ZNF625: variants seen among roughly 807,000 people sequenced by gnomAD.
ZNF625 encodes the protein zinc finger protein 625.
A neutral mutation model predicts 11.1 loss-of-function variants in ZNF625; 8 were observed. The ratio of observed to expected loss-of-function variants is 0.72; its 90% CI spans 0.42 to 1.30. The LOEUF (loss-of-function observed/expected upper bound fraction) is 1.30, where lower values mean the gene tolerates loss of function less well. Ranked by LOEUF, ZNF625 falls within the 50% of genes most tolerant of loss-of-function variation. The pLI, the probability that ZNF625 is intolerant of heterozygous loss-of-function variation, is 0.01. For missense variants in ZNF625, 349 were observed against 447.6 expected (o/e 0.78, Z 1.99); for synonymous variants, 145 against 153.4 (o/e 0.95, Z 0.41).
At chr19:12,148,914 G>A (rs1212727819) in intron 1 of ZNF625, among the ~76,000 whole-genome samples, 1 of 151,744 alleles carries the variant, frequency 6.6e-6, no homozygotes, top group Non-Finnish European at 1.5e-5. Flanking sequence ...GAGCCACTGC[G>A]CCTGGCCAAA....
chr19:12,151,638 C>A (rs1976958041), intron 1 of ZNF625, among the ~76,000 whole-genome samples: 1 of 152,014 alleles, frequency 6.6e-6, no homozygotes, highest in African/African-American at 2.4e-5. Context: ...CTCGGCCGCC[C>A]AAAGTGCTGG....
In ZNF625 at chr19:12,145,452, C is replaced by G. The variant is rs1568387717; in HGVS notation, c.964G>C (p.Gly322Arg). 1.9e-6 allele frequency: 3 copies of G among 1,613,890 alleles called. No individual in the cohort carries two copies. Among genetic ancestry groups the G allele is most frequent in the Non-Finnish European group, 8.5e-7 (1 of 1,179,972 alleles). Reference protein sequence around the residue: ...FRSASHLRTHGRTHTGEKPYE... With the variant: ...FRSASHLRTHRRTHTGEKPYE... Reference sequence around the variant, plus strand: ...GGTTTCTCTCCAGTGTGAGTCCTTCCATGTGTTCGAAGGTGCGAGGCAGAT... The same window carrying G: ...GGTTTCTCTCCAGTGTGAGTCCTTCGATGTGTTCGAAGGTGCGAGGCAGAT... Residue 322 changes from glycine (G) to arginine (R), a missense_variant, in exon 4 of 4, where the codon GGA becomes CGA. Physicochemically the swap from Gly to Arg is moderately radical, Grantham distance 125. Coordinates refer to ENST00000439556, the MANE Select transcript of ZNF625 (RefSeq NM_145233.4).
In ZNF625 at chr19:12,147,565, A is replaced by G. The variant is rs564057984; in HGVS notation, c.131-110T>C. 9.2e-5 allele frequency: 144 copies of G among 1,557,424 alleles called. 3 individuals carry two copies. In the South Asian group the frequency reaches 1.6e-3, roughly 17 times the overall value. ...CCTTGCAGCATTTATTCACATTCCT[A>G]TTCCCTGTCCTCACTATTCCCTGTC... On this transcript the variant is annotated intron_variant, in intron 2 of 3. Coordinates refer to ENST00000439556, the MANE Select transcript of ZNF625 (RefSeq NM_145233.4).
At chr19:12,148,319 T>G (rs1052093726) in intron 1 of ZNF625, among the ~76,000 whole-genome samples, 1 of 151,798 alleles carries the variant, frequency 6.6e-6, no homozygotes. Flanking sequence ...CATAACTAAC[T>G]AAAACAAAAA....
In ZNF625 at chr19:12,145,503, A is replaced by G; in HGVS notation, c.913T>C (p.Cys305Arg). ...RTHTGEKPYECKQCGKAFRSA... is the reference protein window; with the variant it reads ...RTHTGEKPYERKQCGKAFRSA... ...CTGAAGGCTTTCCCACATTGCTTACATTCATAGGGCTTCTCTCCAGTGTGA... is the reference window on the plus strand; with the variant it reads ...CTGAAGGCTTTCCCACATTGCTTACGTTCATAGGGCTTCTCTCCAGTGTGA... Residue 305 changes from cysteine to arginine, a missense_variant, in exon 4 of 4, where the codon TGT (cysteine) becomes CGT (arginine). Transcript: ENST00000439556. The G allele has an allele frequency of 6.2e-7, 1 of 1,614,092 alleles. No homozygotes were observed. The highest frequency in any genetic ancestry group is 8.5e-7 in the Non-Finnish European group (1 of 1,179,968).
chr19:12,150,352 T>G (rs945348873), intron 1 of ZNF625, among the ~76,000 whole-genome samples: 10 of 152,124 alleles, frequency 6.6e-5, no homozygotes, highest in Non-Finnish European at 1.2e-4. Flanking sequence ...GCTTTGACCT[T>G]GTCCTACAAA....
At chr19:12,154,993 A>T (rs1340767364) in intron 1 of ZNF625, among the ~76,000 whole-genome samples, 1 of 152,124 alleles carries the variant, frequency 6.6e-6, no homozygotes, top group Non-Finnish European at 1.5e-5. Flanking sequence ...AGGGAGGCGG[A>T]GGCAGGCGGA....
In ZNF625 at chr19:12,156,634, C is replaced by T; in HGVS notation, c.-76G>A. 8.1e-7 allele frequency: 1 copy of T among 1,237,002 alleles called. No individual in the cohort carries two copies. Among genetic ancestry groups the T allele is most frequent in the African/African-American group, 1.5e-5 (1 of 64,614 alleles). 76.6% of individuals were successfully genotyped at this position (1,237,002 alleles called of 1,614,324 possible). On this transcript the variant is annotated 5_prime_UTR_variant, in exon 1 of 4. Transcript: ENST00000439556. ...TCCAGTCACAGTGCGGGCGATGGAGCGACAGAAGCTATGGCGGAGGCACCT... is the reference window on the plus strand; with the variant it reads ...TCCAGTCACAGTGCGGGCGATGGAGTGACAGAAGCTATGGCGGAGGCACCT...
intron 1 of ZNF625, among the ~76,000 whole-genome samples, chr19:12,151,534 C>T (rs1976955839): frequency 6.6e-6 from 1 of 152,044 alleles, no homozygotes; most frequent in South Asian, 2.1e-4. Context: ...GCCCCGCCAC[C>T]ACGCCCGGCT....
Position 12,150,911 on chromosome 19 carries a change from G to A in ZNF625, c.4-3109C>T, listed in dbSNP as rs187960155. Among the ~76,000 whole-genome samples the A allele has an allele frequency of 2.4e-3, 366 of 152,210 alleles. 5 individuals are homozygous for A. Among genetic ancestry groups the A allele is most frequent in the Admixed American group, 0.021 (325 of 15,270 alleles). ...CACCATTACCCAGACAGTGTTCTAC[G>A]GTGGAGCTCGCCTCCTGCAGTGATG... On this transcript the variant is annotated intron_variant, in intron 1 of 3. Transcript: ENST00000439556.
chr19:12,150,009 G>A (rs1406950273), intron 1 of ZNF625, among the ~76,000 whole-genome samples: 1 of 152,186 alleles, frequency 6.6e-6, no homozygotes, highest in African/African-American at 2.4e-5. Context: ...AAAGTGCTGG[G>A]ATTACAGGTG....
chr19:12,147,952 A>T, intron 1 of ZNF625, 150 bp from the exon 2 acceptor site: 2 of 834,308 alleles, frequency 2.4e-6, no homozygotes, highest in Non-Finnish European at 3.4e-6. Flanking sequence ...GTCAACACTC[A>T]CTCTTCCATA....
At position 12,146,250 on chromosome 19, in the gene ZNF625, A is replaced by C. The variant is rs982883486; in HGVS notation, c.192-26T>G. On this transcript the variant is annotated intron_variant, in intron 3 of 3. Coordinates refer to ENST00000439556, the MANE Select transcript of ZNF625 (RefSeq NM_145233.4). ...CTGTGAACAATGAGAAGTATATCAT[A>C]ATGGGTTCCTTTATCACTGATTTGA... 3 of 1,589,688 alleles carry C rather than the reference A, an allele frequency of 1.9e-6. No homozygotes were observed. The African/African-American group carries it at 4.1e-5, about 21-fold the overall frequency.
At position 12,145,578 on chromosome 19, in the gene ZNF625, A is replaced by G; in HGVS notation, c.838T>C (p.Cys280Arg). 2 of 1,610,138 alleles carry G rather than the reference A, an allele frequency of 1.2e-6. No homozygotes were observed. Among genetic ancestry groups the G allele is most frequent in the East Asian group, 2.2e-5 (1 of 44,848 alleles). The part of the protein sequence containing the change: ...TGEKPYECKQ[C>R]GKAFVSFNSV... ...TTGAAAGAAACAAAGGCTTTCCCAC[A>G]CTGTTTACATTCATACGGCTTCTCC... The change falls in exon 4 of 4, where the codon TGT (cysteine) becomes CGT (arginine). Residue 280 changes from cysteine to arginine, a missense_variant. Cys to Arg is a radical substitution (Grantham distance 180). Transcript: ENST00000439556.
At chr19:12,147,116 G>A (rs1039098182) in intron 3 of ZNF625, among the ~76,000 whole-genome samples, 1 of 151,852 alleles carries the variant, frequency 6.6e-6, no homozygotes, top group Non-Finnish European at 1.5e-5. Flanking sequence ...ACAGGTGCCC[G>A]CCATCACGCC....
intron 2 of ZNF625, 63 bp from the exon 3 acceptor site, chr19:12,147,518 C>T: frequency 6.6e-7 from 1 of 1,512,620 alleles, no homozygotes; most frequent in Non-Finnish European, 8.9e-7. Flanking sequence ...GTACTAGATT[C>T]TAAGTTCATG....
rs1977031834 is a variant in ZNF625 at position 12,156,612 on chromosome 19, A to C, written c.-54T>G. Reference sequence around the variant, plus strand: ...TCTCCACGGATCCCTCTAACAGTCCAGTCACAGTGCGGGCGATGGAGCGAC... The same window carrying C: ...TCTCCACGGATCCCTCTAACAGTCCCGTCACAGTGCGGGCGATGGAGCGAC... On this transcript the variant is annotated 5_prime_UTR_variant, in exon 1 of 4. Coordinates refer to ENST00000439556, the MANE Select transcript of ZNF625 (RefSeq NM_145233.4). 2.3e-6 allele frequency: 3 copies of C among 1,280,436 alleles called. No individual in the cohort carries two copies. Among genetic ancestry groups the C allele is most frequent in the African/African-American group, 3.1e-5 (2 of 65,326 alleles). The allele number at this position is 1,280,436 out of a possible 1,614,324, so 79.3% of individuals were successfully genotyped here. A position where few individuals can be genotyped will look rare whatever the true frequency, so the allele number is the denominator to read the frequency against.
At chr19:12,156,344 C>A (rs984709960) in intron 1 of ZNF625, among the ~76,000 whole-genome samples, 4 of 152,186 alleles carry the variant, frequency 2.6e-5, no homozygotes, top group Admixed American at 1.3e-4. Context: ...GTCGCAGTCG[C>A]AGCGCAGAGA....
chr19:12,156,416 G>T, intron 1 of ZNF625, 140 bp downstream of exon 1: 1 of 619,448 alleles, frequency 1.6e-6, no homozygotes, highest in Non-Finnish European at 2.4e-6. Flanking sequence ...CGAAGGGACC[G>T]AGGGCCGAGC....
Sources: gnomAD v4.1 joint callset for allele counts (sites outside exome capture counted in the v4.1 genomes callset) on GRCh38, gnomAD v4.1.1 for gene constraint, MANE v1.5 for transcripts, NCBI Gene and HGNC (gene_info 2026-07-23, HGNC 2026-07-21) for gene names.